Variants in GFRA1 observed in about 807,000 individuals in gnomAD.
The protein encoded by GFRA1 is GDNF family receptor alpha 1, also known as GDNF family receptor alpha-1.
Under a neutral mutation model 51.6 loss-of-function variants are expected in GFRA1, and 16 were observed. That is an observed-to-expected ratio of 0.31 (90% CI 0.21 to 0.47). The LOEUF (loss-of-function observed/expected upper bound fraction) is 0.47. Among genes scored for constraint, GFRA1 ranks in the 20% least tolerant of loss-of-function variants. GFRA1 has a pLI of 1.00. For missense variants in GFRA1, 530 were observed against 594.3 expected, an observed-to-expected ratio of 0.89 and a Z score of 1.13; for synonymous variants, 270 against 241.3, an observed-to-expected ratio of 1.12 and a Z score of -1.10.
At position 116,059,851 on chromosome 10, in the gene GFRA1, C is replaced by T. The variant is rs1473027551; in HGVS notation, c.*4547G>A. ...CTTCGTATTTGGGGATTAGCATCAT[C>T]TTCAGATCATCTGGCTCCTGAGAGA... On this transcript the variant is annotated 3_prime_UTR_variant, in exon 11 of 11. Coordinates refer to ENST00000355422, the MANE Select transcript of GFRA1 (RefSeq NM_005264.8). 1 of 151,604 alleles carries T rather than the reference C, an allele frequency of 6.6e-6. No individual in the cohort carries two copies. Among genetic ancestry groups the T allele is most frequent in the Non-Finnish European group, 1.5e-5 (1 of 68,048 alleles). 9.4% of individuals were successfully genotyped at this position (151,604 alleles called of 1,614,324 possible).
chr10:116,101,162 C>T (rs965923283), intron 6 of GFRA1, among the ~76,000 whole-genome samples: 2 of 152,350 alleles, frequency 1.3e-5, no homozygotes, highest in Middle Eastern at 3.4e-3. Flanking sequence ...ACACTTTCCC[C>T]TGCCCACCCT....
chr10:116,148,852 G>T (rs757273588), intron 5 of GFRA1, among the ~76,000 whole-genome samples: 23 of 152,270 alleles, frequency 1.5e-4, no homozygotes, highest in South Asian at 4.1e-4. Context: ...ACTAAAAATG[G>T]GACAAGTGAG....
At position 116,146,775 on chromosome 10, in the gene GFRA1, G is replaced by A. The variant is rs76745310; in HGVS notation, c.434-21218C>T. On this transcript the variant is annotated intron_variant, in intron 5 of 10. Transcript: ENST00000355422. ...CTGTCCAATCCTGCTGGACAGAAGG[G>A]AACGTGGAGGGAAGAAAGCTCAGAG... is the stretch of plus-strand genomic sequence containing the variant. Among the ~76,000 whole-genome samples the A allele has an allele frequency of 6.3e-3, 966 of 152,310 alleles. 10 individuals carry two copies. The highest frequency in any genetic ancestry group is 0.01 in the Middle Eastern group (3 of 294).
intron 4 of GFRA1, among the ~76,000 whole-genome samples, chr10:116,246,233 C>A (rs1967855382): frequency 6.6e-6 from 1 of 152,122 alleles, no homozygotes; most frequent in Non-Finnish European, 1.5e-5. Context: ...AGTTCGAGAC[C>A]AGCCTGGCCA....
chr10:116,255,657 C>T (rs1424259524), intron 4 of GFRA1: 2 of 1,289,084 alleles, frequency 1.6e-6, no homozygotes, highest in Non-Finnish European at 2.0e-6. Context: ...CCCACATCCC[C>T]ACATTCCGGT....
At chr10:116,100,220 G>C (rs369729728) in intron 6 of GFRA1, among the ~76,000 whole-genome samples, 1 of 152,164 alleles carries the variant, frequency 6.6e-6, no homozygotes, top group South Asian at 2.1e-4. Flanking sequence ...TAACAACTAC[G>C]AAGTATTTGT....
At chr10:116,209,405 G>GT (rs1477531070) in intron 5 of GFRA1, among the ~76,000 whole-genome samples, 1 of 152,110 alleles carries the variant, frequency 6.6e-6, no homozygotes, top group East Asian at 1.9e-4. Flanking sequence ...ACTGGGCAGA[G>GT]TCCTCCCTCC....
At position 116,083,906 on chromosome 10, in the gene GFRA1, C is replaced by CA. The variant is rs1351076237; in HGVS notation, c.1197+5834dup. Among the ~76,000 whole-genome samples the CA allele has an allele frequency of 5.9e-5, 9 of 152,242 alleles. No homozygotes were observed. The South Asian group carries it at 1.9e-3, about 32-fold the overall frequency. On this transcript the variant is annotated intron_variant, in intron 9 of 10. Transcript: ENST00000355422. ...TAGGTCTGCCCTCCATCCCTCCTGC[C>CA]ACTCTGCAAACATTAGGCTGCATCC...
chr10:116,111,682 C>G (rs188463680), intron 6 of GFRA1, among the ~76,000 whole-genome samples: 1 of 152,318 alleles, frequency 6.6e-6, no homozygotes, highest in Admixed American at 6.5e-5. Flanking sequence ...GCCTAGATCA[C>G]CTGGCCAACA....
chr10:116,173,636 G>A (rs751041634), intron 5 of GFRA1, among the ~76,000 whole-genome samples: 2 of 152,148 alleles, frequency 1.3e-5, no homozygotes, highest in Non-Finnish European at 2.9e-5. Flanking sequence ...GATTCAGAAA[G>A]TCTCCTCTAT....
intron 5 of GFRA1, among the ~76,000 whole-genome samples, chr10:116,172,134 C>A (rs1184968461): frequency 6.6e-6 from 1 of 152,168 alleles, no homozygotes; most frequent in Non-Finnish European, 1.5e-5. Context: ...ATCATCTTTA[C>A]AAAGCCTTTG....
Position 116,144,457 on chromosome 10 carries a change from T to C in GFRA1, c.434-18900A>G, listed in dbSNP as rs574128669. Among the ~76,000 whole-genome samples the C allele has an allele frequency of 2.0e-5, 3 of 152,182 alleles. No individual in the cohort carries two copies. In the South Asian group the frequency reaches 6.2e-4, roughly 32 times the overall value. On this transcript the variant is annotated intron_variant, in intron 5 of 10. Coordinates refer to ENST00000355422, the MANE Select transcript of GFRA1 (RefSeq NM_005264.8). ...TGCTGTGCTAGTTACCTATGAGGAA[T>C]ACGAGATAATGTCAGCTAAGCAAAA...
At chr10:116,245,249 A>T (rs952774296) in intron 4 of GFRA1, among the ~76,000 whole-genome samples, 1 of 152,252 alleles carries the variant, frequency 6.6e-6, no homozygotes, top group Non-Finnish European at 1.5e-5. Flanking sequence ...CTCAATTTTT[A>T]AAATGAGTAA....
chr10:116,134,830 C>T (rs898122314), intron 5 of GFRA1, among the ~76,000 whole-genome samples: 10 of 152,164 alleles, frequency 6.6e-5, no homozygotes, highest in Non-Finnish European at 8.8e-5. Flanking sequence ...ATTTCCTTAA[C>T]GCACATTCTG....
chr10:116,083,756 C>T (rs1279753848), intron 9 of GFRA1, among the ~76,000 whole-genome samples: 1 of 152,210 alleles, frequency 6.6e-6, no homozygotes, highest in East Asian at 1.9e-4. Flanking sequence ...GGTCTGGCCC[C>T]ATCTGGAACA....
chr10:116,213,400 G>A (rs995327738), intron 4 of GFRA1, among the ~76,000 whole-genome samples: 1 of 152,130 alleles, frequency 6.6e-6, no homozygotes, highest in African/African-American at 2.4e-5. Context: ...ATATAATCCT[G>A]AGCCCATCTG....
At chr10:116,220,199 TTAAAG>T (rs1298978114) in intron 4 of GFRA1, among the ~76,000 whole-genome samples, 1 of 152,242 alleles carries the variant, frequency 6.6e-6, no homozygotes, top group Non-Finnish European at 1.5e-5. Flanking sequence ...TATCTCAGTT[TTAAAG>T]TATTTTTCCC....
intron 5 of GFRA1, among the ~76,000 whole-genome samples, chr10:116,128,855 AT>A (rs3837362): frequency 0.36 from 54,467 of 151,738 alleles, 10,040 homozygotes; most frequent in East Asian, 0.41. Context: ...GAAAAGCAAT[AT>A]TTTTTTTAAA....
chr10:116,153,713 G>T (rs1959144655), intron 5 of GFRA1, among the ~76,000 whole-genome samples: 1 of 152,150 alleles, frequency 6.6e-6, no homozygotes, highest in South Asian at 2.1e-4. Flanking sequence ...AAAATGCAAA[G>T]AATGCCTAGC....
Sources: gnomAD v4.1 joint callset for allele counts (sites outside exome capture counted in the v4.1 genomes callset) on GRCh38, gnomAD v4.1.1 for gene constraint, MANE v1.5 for transcripts, NCBI Gene and HGNC (gene_info 2026-07-23, HGNC 2026-07-21) for gene names.